C8orf34: variants seen among roughly 807,000 people sequenced by gnomAD.
C8orf34 encodes the protein uncharacterized protein C8orf34.
In C8orf34, 65 loss-of-function variants were observed where a neutral mutation model predicts 68.3. The observed-to-expected ratio is 0.95, with a 90% confidence interval of 0.78 to 1.17. C8orf34 has a LOEUF of 1.17. C8orf34 is among the 50% of genes most tolerant of loss of function. The pLI is 0.00. For missense variants in C8orf34, 664 were observed against 655.4 expected (o/e 1.01, Z -0.14); for synonymous variants, 244 against 241.2 (o/e 1.01, Z -0.11).
At chr8:68,709,211 G>T (rs372142631) in intron 9 of C8orf34, 132 bp downstream of exon 9, 2 of 677,432 alleles carry the variant, frequency 3.0e-6, no homozygotes, top group East Asian at 2.7e-5. Context: ...CATATCTACC[G>T]CTGGCACACT....
chr8:68,386,346 A>G (rs1808260041), intron 1 of C8orf34, among the ~76,000 whole-genome samples: 1 of 152,220 alleles, frequency 6.6e-6, no homozygotes, highest in African/African-American at 2.4e-5. Flanking sequence ...TTCTACAATG[A>G]CTAGCATAAT....
At chr8:68,525,413 A>G in intron 6 of C8orf34, 1 of 394,630 alleles carries the variant, frequency 2.5e-6, no homozygotes, top group South Asian at 4.7e-5. Context: ...ATACCTCATA[A>G]CTTATAAATT....
At chr8:68,778,424 G>T (rs748303202) in intron 11 of C8orf34, among the ~76,000 whole-genome samples, 2 of 151,980 alleles carry the variant, frequency 1.3e-5, no homozygotes, top group Non-Finnish European at 2.9e-5. Context: ...CAGATCAAAT[G>T]CTCTTTTTTT....
chr8:68,791,287 T>G (rs1244073861), intron 12 of C8orf34: 3 of 231,328 alleles, frequency 1.3e-5, no homozygotes, highest in Non-Finnish European at 2.5e-5. Flanking sequence ...AGCCACACAT[T>G]TTTAAACCAT....
At chr8:68,507,794 T>C (rs987101537) in intron 5 of C8orf34, among the ~76,000 whole-genome samples, 1 of 152,232 alleles carries the variant, frequency 6.6e-6, no homozygotes, top group African/African-American at 2.4e-5. Context: ...TTGTCCCAAA[T>C]AATTTATGGA....
At chr8:68,367,933 A>G (rs892232155) in intron 1 of C8orf34, among the ~76,000 whole-genome samples, 5 of 146,898 alleles carry the variant, frequency 3.4e-5, no homozygotes, top group South Asian at 2.1e-4. Context: ...AAAAAAAAAA[A>G]AAAAGAAAAA....
At chr8:68,526,312 G>C (rs1157124413) in intron 6 of C8orf34, among the ~76,000 whole-genome samples, 1 of 152,036 alleles carries the variant, frequency 6.6e-6, no homozygotes, top group Non-Finnish European at 1.5e-5. Context: ...TCAGATCATT[G>C]ATGAAGTCAT....
intron 7 of C8orf34, among the ~76,000 whole-genome samples, chr8:68,637,202 T>C (rs1445514318): frequency 6.6e-6 from 1 of 152,198 alleles, no homozygotes; most frequent in East Asian, 1.9e-4. Context: ...CTATCTAGGG[T>C]AGAAGTAGTA....
At chr8:68,552,124 T>G (rs1377943747) in intron 7 of C8orf34, among the ~76,000 whole-genome samples, 4 of 152,192 alleles carry the variant, frequency 2.6e-5, no homozygotes, top group African/African-American at 9.6e-5. Context: ...CTATCCTAAT[T>G]ACTCTAGCTA....
chr8:68,465,873 G>A (rs1347236419), intron 3 of C8orf34, among the ~76,000 whole-genome samples: 1 of 151,622 alleles, frequency 6.6e-6, no homozygotes, highest in African/African-American at 2.4e-5. Context: ...AATGGGTGCA[G>A]CACACCAACA....
Position 68,402,910 on chromosome 8 carries a change from A to ATACAG in C8orf34, c.328-36587_328-36586insCAGTA, listed in dbSNP as rs564610085. 9.2e-5 allele frequency among the ~76,000 whole-genome samples: 14 copies of ATACAG among 152,316 alleles called. No individual in the cohort carries two copies. The East Asian group carries it at 2.7e-3, about 29-fold the overall frequency. ...CAATGGCCAATGAATATGATTGCAA[A>ATACAG]TAAAATCTTCATTACCACAGGTGCT... is the stretch of plus-strand genomic sequence containing the variant. On this transcript the variant is annotated intron_variant, in intron 1 of 13. Coordinates refer to ENST00000518698, the MANE Select transcript of C8orf34 (RefSeq NM_052958.4).
At chr8:68,793,631 A>T (rs1216216503) in intron 12 of C8orf34, among the ~76,000 whole-genome samples, 1 of 152,188 alleles carries the variant, frequency 6.6e-6, no homozygotes, top group Non-Finnish European at 1.5e-5. Context: ...ACATGGACAC[A>T]TGCAGGGGAA....
intron 7 of C8orf34, among the ~76,000 whole-genome samples, chr8:68,639,628 C>A (rs1818945495): frequency 6.6e-6 from 1 of 151,940 alleles, no homozygotes; most frequent in Non-Finnish European, 1.5e-5. Flanking sequence ...AAGCTGAGAG[C>A]AAGTAATTGG....
chr8:68,667,336 G>A (rs181483976), intron 8 of C8orf34, among the ~76,000 whole-genome samples: 1 of 152,058 alleles, frequency 6.6e-6, no homozygotes, highest in Non-Finnish European at 1.5e-5. Flanking sequence ...CTCAAATTAG[G>A]TATCTTCTCT....
At chr8:68,601,576 G>C (rs778196270) in intron 7 of C8orf34, among the ~76,000 whole-genome samples, 1 of 152,026 alleles carries the variant, frequency 6.6e-6, no homozygotes, top group African/African-American at 2.4e-5. Context: ...ATTTGTGCTT[G>C]AGTCTCTTTT....
At position 68,671,334 on chromosome 8, in the gene C8orf34, A is replaced by T. The variant is rs188554239; in HGVS notation, c.1241+30823A>T. On this transcript the variant is annotated intron_variant, in intron 8 of 13. Coordinates refer to ENST00000518698, the MANE Select transcript of C8orf34 (RefSeq NM_052958.4). ...ATGAACAACCATCTGATCACTGAGA[A>T]CGATCATGTGATTTTAGTGCCCACA... Among the ~76,000 whole-genome samples the T allele has an allele frequency of 1.7e-4, 26 of 152,322 alleles. No individual in the cohort carries two copies. The East Asian group carries it at 3.5e-3, about 20-fold the overall frequency.
Position 68,818,440 on chromosome 8 carries a change from A to C in C8orf34, c.*194A>C. On this transcript the variant is annotated 3_prime_UTR_variant, in exon 14 of 14. Transcript: ENST00000518698. The stretch of plus-strand genomic sequence containing the variant: ...CAGAGAACACTAATCCTGGCAAAGG[A>C]TTGTGGGGTGGTCAGGAGGCCGGCT... 1 of 586,612 alleles carries C rather than the reference A, an allele frequency of 1.7e-6. No homozygotes were observed. Among genetic ancestry groups the C allele is most frequent in the Non-Finnish European group, 3.0e-6 (1 of 335,808 alleles). 36.3% of individuals were successfully genotyped at this position (586,612 alleles called of 1,614,324 possible). A position where few individuals can be genotyped will look rare whatever the true frequency, so the allele number is the denominator to read the frequency against.
At chr8:68,535,035 A>G (rs1815403334) in intron 7 of C8orf34, 1 of 985,298 alleles carries the variant, frequency 1.0e-6, no homozygotes, top group South Asian at 4.7e-5. Flanking sequence ...AAGCAGTGTA[A>G]TAATGTTGGT....
At chr8:68,528,928 T>C (rs1189686703) in intron 6 of C8orf34, among the ~76,000 whole-genome samples, 2 of 152,208 alleles carry the variant, frequency 1.3e-5, no homozygotes, top group Non-Finnish European at 2.9e-5. Context: ...CTCTTCCCTA[T>C]GGCTATGGGT....
Sources: gnomAD v4.1 joint callset for allele counts (sites outside exome capture counted in the v4.1 genomes callset) on GRCh38, gnomAD v4.1.1 for gene constraint, MANE v1.5 for transcripts, NCBI Gene and HGNC (gene_info 2026-07-23, HGNC 2026-07-21) for gene names.